The following EPG5 variants were observed in gnomAD, a reference collection of about 807,000 sequenced individuals.
EPG5 encodes ectopic P-granules 5 autophagy tethering factor, also known as ectopic P granules protein 5 homolog.
A neutral mutation model predicts 302.7 loss-of-function variants in EPG5; 159 were observed. The observed-to-expected ratio is 0.53, with a 90% CI of 0.46 to 0.60. The LOEUF (loss-of-function observed/expected upper bound fraction) is 0.60. Among genes scored for constraint, EPG5 ranks in the 20% least tolerant of loss-of-function variants. EPG5 has a pLI of 0.00. For synonymous variants in EPG5, 1,158 were observed against 1,136.8 expected, an observed-to-expected ratio of 1.02 and a Z score of -0.37; for missense variants, 2,896 against 3,092.4, an observed-to-expected ratio of 0.94 and a Z score of 1.51.
intron 7 of EPG5, among the ~76,000 whole-genome samples, chr18:45,945,313 T>A (rs2050762730): frequency 6.6e-6 from 1 of 152,140 alleles, no homozygotes; most frequent in African/African-American, 2.4e-5. Flanking sequence ...GATGTCTGGG[T>A]GTGGGCCTGG....
chr18:45,828,241 C>T, the EPG5 span, among the ~76,000 whole-genome samples: 1 of 152,180 alleles, frequency 6.6e-6, no homozygotes, highest in Non-Finnish European at 1.5e-5. Context: ...CCCAGAACAG[C>T]CCCTTGGTGA....
At chr18:45,912,981 G>A (rs529355667) in intron 21 of EPG5, among the ~76,000 whole-genome samples, 3 of 151,960 alleles carry the variant, frequency 2.0e-5, no homozygotes, top group African/African-American at 7.2e-5. Flanking sequence ...CCAGCTACTC[G>A]GGAGGCTGAG....
At chr18:45,930,981 G>A (rs957908512) in intron 11 of EPG5, 151 bp from the exon 12 acceptor site, 2 of 695,688 alleles carry the variant, frequency 2.9e-6, no homozygotes, top group Non-Finnish European at 4.5e-6. Flanking sequence ...CAGGAATAAG[G>A]CTGGACCAGA....
chr18:45,831,983 C>G, the EPG5 span, among the ~76,000 whole-genome samples: 2 of 152,242 alleles, frequency 1.3e-5, no homozygotes, highest in Non-Finnish European at 2.9e-5. Context: ...CCACCTGCCT[C>G]GGCCTCCCAA....
Position 45,923,110 on chromosome 18 carries a change from A to T in EPG5, c.2838+158T>A, listed in dbSNP as rs545705145. ...ATATACAGGCTATTTCTTAAAGAAG[A>T]ATCTTTATCAAACCATAGAAGTCAA... On this transcript the variant is annotated intron_variant, in intron 15 of 43. Coordinates refer to ENST00000282041, the MANE Select transcript of EPG5 (RefSeq NM_020964.3). 5.3e-5 allele frequency among the ~76,000 whole-genome samples: 8 copies of T among 152,380 alleles called. No homozygotes were observed. In the South Asian group the frequency reaches 1.7e-3, roughly 32 times the overall value.
At chr18:45,898,143 T>G (rs997493360) in intron 27 of EPG5, among the ~76,000 whole-genome samples, 1 of 152,150 alleles carries the variant, frequency 6.6e-6, no homozygotes, top group African/African-American at 2.4e-5. Context: ...GCAGATTGCT[T>G]GAGCCCACTA....
At chr18:45,821,261 A>G in the EPG5 span, among the ~76,000 whole-genome samples, 1 of 152,234 alleles carries the variant, frequency 6.6e-6, no homozygotes. Context: ...GCACTGTGAG[A>G]AATCCATGCA....
At position 45,915,554 on chromosome 18, in the gene EPG5, T is replaced by C. The variant is rs1452531483; in HGVS notation, c.3650A>G (p.Asn1217Ser). ...GCCCTCCACAAAGGAAGGAGTGATG[T>C]TGCCTGCCACAATCCAGCTTACCAA... The part of the protein sequence containing the change: ...SSLVSWIVAG[N>S]ITPSFVEGLA... The change falls in exon 20 of 44, where the codon AAC (asparagine) becomes AGC (serine). Residue 1217 changes from asparagine (N) to serine (S), a missense_variant. Asn to Ser is a conservative substitution (Grantham distance 46, BLOSUM62 1). This residue lies in a region of EPG5 where 64 missense variants were observed against 101.8 expected (regional missense o/e 0.63). Coordinates refer to ENST00000282041, the MANE Select transcript of EPG5 (RefSeq NM_020964.3). The C allele has an allele frequency of 6.2e-7, 1 of 1,614,194 alleles. No homozygotes were observed. Among genetic ancestry groups the C allele is most frequent in the Non-Finnish European group, 8.5e-7 (1 of 1,180,028 alleles).
At chr18:45,910,893 T>C in intron 22 of EPG5, 151 bp from the exon 23 acceptor site, 1 of 623,658 alleles carries the variant, frequency 1.6e-6, no homozygotes, top group Non-Finnish European at 2.7e-6. Flanking sequence ...TCAAAGATTA[T>C]TTTGATGGTC....
rs564487069 is a variant in EPG5 at position 45,934,833 on chromosome 18, C to T, written c.2233G>A (p.Ala745Thr). 9.9e-5 allele frequency: 160 copies of T among 1,613,636 alleles called. 3 individuals carry two copies. In the South Asian group the frequency reaches 1.4e-3, roughly 14 times the overall value. The change falls in exon 11 of 44, where the codon GCC (alanine) becomes ACC (threonine). Residue 745 changes from alanine (A) to threonine (T), a missense_variant. By Grantham distance (58) the Ala-to-Thr change is moderately conservative (BLOSUM62 0). Transcript: ENST00000282041. ...CCTTGGAGCTGCTGCTTGCACTGGG[C>T]GGGCTGCAGGGAGGAGGAGAGCTGC... is the stretch of plus-strand genomic sequence containing the variant. ...LQQLSSSLQP[A>T]QCKQQLQDPE...
intron 8 of EPG5, 149 bp from the exon 9 acceptor site, chr18:45,943,460 A>G: frequency 1.5e-6 from 1 of 668,474 alleles, no homozygotes; most frequent in South Asian, 2.0e-5. Flanking sequence ...ATCAACATGA[A>G]ATGGGAAAAA....
At chr18:45,882,534 ATAGTT>A in intron 30 of EPG5, 47 bp from the exon 31 acceptor site, 1 of 1,515,614 alleles carries the variant, frequency 6.6e-7, no homozygotes, top group Admixed American at 1.9e-5. Context: ...CACTAGAAAA[ATAGTT>A]TAAGAGGAGA....
At chr18:45,825,149 G>GGTA in the EPG5 span, among the ~76,000 whole-genome samples, 1 of 127,270 alleles carries the variant, frequency 7.9e-6, no homozygotes, top group East Asian at 2.9e-4. Flanking sequence ...GAGGGAGGGA[G>GGTA]GGAAGGAAGG....
chr18:45,917,597 A>G, intron 17 of EPG5, 82 bp downstream of exon 17: 1 of 1,532,250 alleles, frequency 6.5e-7, no homozygotes, highest in Non-Finnish European at 8.9e-7. Context: ...CCTTTATTTT[A>G]CTTAAGAAAC....
intron 1 of EPG5, among the ~76,000 whole-genome samples, chr18:45,961,364 C>G (rs1439469787): frequency 6.6e-6 from 1 of 152,230 alleles, no homozygotes; most frequent in Non-Finnish European, 1.5e-5. Context: ...TGCTACTTTT[C>G]TGACTTCATC....
At position 45,884,744 on chromosome 18, in the gene EPG5, A is replaced by G; in HGVS notation, c.5177T>C (p.Leu1726Pro). ...GAAGAAAGGAGACAGCAGGGAGCAG[A>G]GCCTGCTGTTCTTCAGAATGGTTTC... is the stretch of plus-strand genomic sequence containing the variant. Reference protein sequence around the residue: ...VLETILKNSRLCSLLSPFFTP... With the variant: ...VLETILKNSRPCSLLSPFFTP... Residue 1726 changes from leucine to proline, a missense_variant, in exon 30 of 44, where the codon CTC (leucine) becomes CCC (proline). Around this residue, in one of 5 missense-constraint regions of EPG5, gnomAD observed 790 missense variants for 798.0 expected, o/e 0.99. Coordinates refer to ENST00000282041, the MANE Select transcript of EPG5 (RefSeq NM_020964.3). 2 of 1,604,978 alleles carry G rather than the reference A, an allele frequency of 1.2e-6. No homozygotes were observed. Among genetic ancestry groups the G allele is most frequent in the Non-Finnish European group, 1.7e-6 (2 of 1,176,394 alleles).
At chr18:45,886,483 A>G (rs1599493795) in intron 29 of EPG5, among the ~76,000 whole-genome samples, 1 of 152,362 alleles carries the variant, frequency 6.6e-6, no homozygotes, top group South Asian at 2.1e-4. Context: ...ATATCTATAT[A>G]TCTCTATATA....
At chr18:45,847,092 C>A (rs1474545896), downstream of EPG5, among the ~76,000 whole-genome samples, 1 of 152,210 alleles carries the variant, frequency 6.6e-6, no homozygotes, top group East Asian at 1.9e-4. Flanking sequence ...AGACATACCC[C>A]ACTCCCAGAA....
rs755321821 is a variant in EPG5, at chr18:45,916,150, C to T, written c.3441G>A (p.Glu1147=). 15 of 1,613,996 alleles carry T rather than the reference C, an allele frequency of 9.3e-6. No homozygotes were observed. In the Middle Eastern group the frequency reaches 6.6e-4, roughly 71 times the overall value. The change falls in exon 19 of 44, where the codon GAG becomes GAA. Residue 1147 remains glutamate (E), a synonymous_variant. Coordinates refer to ENST00000282041, the MANE Select transcript of EPG5 (RefSeq NM_020964.3). ...PNEVGPVAVL[E]FWVQALISQH... ...GGCTTATGAGAGCCTGAACCCAGAA[C>T]TCCAACACAGCAACGGGGCCCACTT...
Sources: gnomAD v4.1 joint callset for allele counts (sites outside exome capture counted in the v4.1 genomes callset) on GRCh38, gnomAD v4.1.1 for gene constraint, gnomAD v4.1.1 regional missense constraint, MANE v1.5 for transcripts, NCBI Gene and HGNC (gene_info 2026-07-23, HGNC 2026-07-21) for gene names.